LARGE1: variants seen among roughly 807,000 people sequenced by gnomAD.
LARGE1 encodes LARGE xylosyl- and glucuronyltransferase 1, also known as xylosyl- and glucuronyltransferase LARGE1.
LARGE1 carries 43 observed loss-of-function variants against 87.6 expected under a neutral mutation model. The ratio of observed to expected loss-of-function variants is 0.49; its 90% CI spans 0.38 to 0.63. LARGE1 has a LOEUF of 0.63. Among genes scored for constraint, LARGE1 ranks in the 30% least tolerant of loss-of-function variants. LARGE1 has a pLI of 0.00. For synonymous variants in LARGE1, 434 were observed against 394.6 expected (o/e 1.10, Z -1.18); for missense variants, 802 against 1,000.2 (o/e 0.80, Z 2.67).
intron 11 of LARGE1, among the ~76,000 whole-genome samples, chr22:33,210,390 C>CAA (rs1447023050): frequency 2.0e-5 from 3 of 152,194 alleles, no homozygotes; most frequent in African/African-American, 7.2e-5. Flanking sequence ...GGCAAGAGAA[C>CAA]GACACCGGCG....
At chr22:33,545,629 G>C (rs996745895) in intron 6 of LARGE1, among the ~76,000 whole-genome samples, 6 of 152,114 alleles carry the variant, frequency 3.9e-5, no homozygotes, top group African/African-American at 1.4e-4. Flanking sequence ...TGCAGATATG[G>C]GGTTTTGCCA....
chr22:33,848,580 T>C (rs1215759384), intron 1 of LARGE1, among the ~76,000 whole-genome samples: 1 of 152,110 alleles, frequency 6.6e-6, no homozygotes, highest in Non-Finnish European at 1.5e-5. Flanking sequence ...AGGAGGGCTC[T>C]TCCTGAAGCC....
chr22:33,459,902 T>C lies in LARGE1; in HGVS notation c.788-27637A>G, dbSNP rs550448206. ...ACAATGCTGGCAAGTTCCTGCTCTGTAAGCTGGTCCATAGTGGCTCTGAGC... is the reference window on the plus strand; with the variant it reads ...ACAATGCTGGCAAGTTCCTGCTCTGCAAGCTGGTCCATAGTGGCTCTGAGC... On this transcript the variant is annotated intron_variant, in intron 6 of 14. Transcript: ENST00000397394. Among the ~76,000 whole-genome samples the C allele has an allele frequency of 1.5e-4, 23 of 152,328 alleles. No homozygotes were observed. The South Asian group carries it at 3.9e-3, about 26-fold the overall frequency.
chr22:33,366,160 T>A (rs1278525425), intron 9 of LARGE1, among the ~76,000 whole-genome samples: 5 of 152,228 alleles, frequency 3.3e-5, no homozygotes, highest in African/African-American at 9.7e-5. Flanking sequence ...GGGATCCACT[T>A]AAATTTTTTC....
chr22:33,485,103 G>T (rs1008280329), intron 6 of LARGE1, among the ~76,000 whole-genome samples: 13 of 151,838 alleles, frequency 8.6e-5, no homozygotes, highest in Non-Finnish European at 1.8e-4. Context: ...AGTAGAGACT[G>T]GGTTTTGCTA....
intron 1 of LARGE1, among the ~76,000 whole-genome samples, chr22:33,789,673 G>A (rs1285201757): frequency 2.0e-5 from 3 of 152,242 alleles, no homozygotes; most frequent in African/African-American, 4.8e-5. Context: ...CCTAGAGGAT[G>A]TGAGACATGG....
At chr22:33,649,115 G>T (rs771108000) in intron 3 of LARGE1, among the ~76,000 whole-genome samples, 5 of 152,080 alleles carry the variant, frequency 3.3e-5, no homozygotes, top group African/African-American at 1.2e-4. Context: ...ATCCTCTGTC[G>T]GATGCTCTCT....
At chr22:33,780,160 C>T (rs2085373600) in intron 1 of LARGE1, among the ~76,000 whole-genome samples, 1 of 152,192 alleles carries the variant, frequency 6.6e-6, no homozygotes, top group Non-Finnish European at 1.5e-5. Flanking sequence ...CCAAACTTCC[C>T]GTTACAAGGA....
intron 6 of LARGE1, among the ~76,000 whole-genome samples, chr22:33,485,205 G>A (rs1367607339): frequency 3.5e-5 from 5 of 142,778 alleles, no homozygotes; most frequent in South Asian, 2.2e-4. Flanking sequence ...GAGCCACCGC[G>A]TCCGGTCTGA....
chr22:33,499,842 C>T (rs945430876), intron 6 of LARGE1, among the ~76,000 whole-genome samples: 3 of 152,116 alleles, frequency 2.0e-5, no homozygotes, highest in Non-Finnish European at 2.9e-5. Context: ...GGTGCAATCT[C>T]GGCTCACTGC....
At chr22:33,544,694 C>CAACAACA (rs1555952160) in intron 6 of LARGE1, among the ~76,000 whole-genome samples, 3,392 of 136,624 alleles carry the variant, frequency 0.025, 41 homozygotes, top group African/African-American at 0.033. Flanking sequence ...AAACAACAAC[C>CAACAACA]ACAACAACAA....
intron 6 of LARGE1, among the ~76,000 whole-genome samples, chr22:33,445,993 A>G (rs186260191): frequency 9.2e-5 from 14 of 152,298 alleles, no homozygotes; most frequent in Non-Finnish European, 1.3e-4. Context: ...GCTTCAGAAT[A>G]GGGGCTGGCT....
chr22:33,897,409 G>A (rs1959889826), intron 1 of LARGE1, among the ~76,000 whole-genome samples: 1 of 152,140 alleles, frequency 6.6e-6, no homozygotes, highest in Non-Finnish European at 1.5e-5. Context: ...AGAATAAGGG[G>A]TTCCTTCCTG....
intron 11 of LARGE1, among the ~76,000 whole-genome samples, chr22:33,210,621 G>A (rs965178298): frequency 3.3e-5 from 5 of 152,240 alleles, no homozygotes; most frequent in African/African-American, 4.8e-5. Context: ...ACCGGCAGAC[G>A]TGGCCTGATG....
chr22:33,428,693 C>T (rs552266105), intron 7 of LARGE1, among the ~76,000 whole-genome samples: 45 of 135,130 alleles, frequency 3.3e-4, no homozygotes, highest in African/African-American at 1.2e-3. Flanking sequence ...GAGGCTGAGG[C>T]GGGTGGATCA....
chr22:33,200,670 AT>A (rs1309871387), intron 11 of LARGE1, among the ~76,000 whole-genome samples: 2 of 152,238 alleles, frequency 1.3e-5, no homozygotes, highest in African/African-American at 4.8e-5. Flanking sequence ...CCTGGATGAA[AT>A]TTGAAGACAT....
At chr22:33,463,433 A>C (rs1330195229) in intron 6 of LARGE1, among the ~76,000 whole-genome samples, 3 of 152,332 alleles carry the variant, frequency 2.0e-5, no homozygotes, top group Non-Finnish European at 2.9e-5. Flanking sequence ...GGAATATTGC[A>C]AAATGTTATT....
rs1263530777 is a variant in LARGE1 at position 33,877,286 on chromosome 22, C to A, written c.-83+42709G>T. ...ATCTGCCATGTAATTTTATTGTTAA[C>A]CCTGTTGCGAGGTTCAGTCTAGTCA... On this transcript the variant is annotated intron_variant, in intron 1 of 14. Coordinates refer to ENST00000397394, the MANE Select transcript of LARGE1 (RefSeq NM_133642.5). 5.3e-5 allele frequency among the ~76,000 whole-genome samples: 8 copies of A among 152,066 alleles called. No homozygotes were observed. The South Asian group carries it at 1.0e-3, about 20-fold the overall frequency.
At chr22:33,208,849 G>A (rs767920875) in intron 11 of LARGE1, among the ~76,000 whole-genome samples, 7 of 152,106 alleles carry the variant, frequency 4.6e-5, no homozygotes, top group Non-Finnish European at 7.3e-5. Flanking sequence ...GTGATAGTTC[G>A]CTGAGAATGA....
Sources: allele counts gnomAD v4.1 joint callset (sites outside exome capture counted in the v4.1 genomes callset), GRCh38; gene constraint gnomAD v4.1.1; transcripts MANE v1.5; gene names NCBI Gene and HGNC (gene_info 2026-07-23, HGNC 2026-07-21).